Variants in FILIP1L observed in about 807,000 individuals in gnomAD.
FILIP1L encodes the protein filamin A-interacting protein 1-like.
FILIP1L carries 55 observed loss-of-function variants against 96.6 expected under a neutral mutation model. The observed-to-expected ratio is 0.57, with a 90% confidence interval of 0.46 to 0.71. FILIP1L has a LOEUF of 0.71. Ranked by LOEUF, FILIP1L falls within the 30% of genes least tolerant of loss-of-function variation. The probability of loss-of-function intolerance (pLI) is 0.00; values close to 1 mark genes in which losing one functional copy is unlikely to be tolerated. For missense variants in FILIP1L, 1,304 were observed against 1,321.2 expected (o/e 0.99, Z 0.20); for synonymous variants, 467 against 473.9 (o/e 0.99, Z 0.19).
Position 99,851,031 on chromosome 3 carries a change from C to T in FILIP1L, c.645G>A (p.Glu215=), listed in dbSNP as rs1243020392. The change falls in exon 5 of 6, where the codon GAG becomes GAA. Residue 215 remains glutamate (E), a synonymous_variant. Transcript: ENST00000477258. ...KLIDQEIKSQ[E]EKEQEKEKRV... The stretch of plus-strand genomic sequence containing the variant: ...TTTTCTCCTTTTCTTGCTCCTTCTC[C>T]TCCTGAGACTTGATTTCTTGATCAA... 6 of 1,601,198 alleles carry T rather than the reference C, an allele frequency of 3.7e-6. No homozygotes were observed. Among genetic ancestry groups the T allele is most frequent in the South Asian group, 1.1e-5 (1 of 88,240 alleles).
intron 4 of FILIP1L, among the ~76,000 whole-genome samples, chr3:99,852,568 C>G (rs1324427896): frequency 6.6e-6 from 1 of 152,066 alleles, no homozygotes. Context: ...GTCTCAGCCT[C>G]CCGAGTAGCT....
intron 1 of FILIP1L, among the ~76,000 whole-genome samples, chr3:100,107,501 G>T (rs1234789381): frequency 6.6e-6 from 1 of 152,116 alleles, no homozygotes; most frequent in East Asian, 1.9e-4. Flanking sequence ...CATTTGGCAG[G>T]TATTTAATGC....
chr3:100,086,470 G>A (rs6783067), intron 1 of FILIP1L, among the ~76,000 whole-genome samples: 64 of 152,202 alleles, frequency 4.2e-4, no homozygotes, highest in African/African-American at 1.4e-3. Context: ...ACTTATAACA[G>A]TACCTAACTC....
Position 100,092,595 on chromosome 3 carries a change from T to A in FILIP1L, c.-11+21458A>T, listed in dbSNP as rs148115725. Reference sequence around the variant, plus strand: ...ACACATACCCCAGTTGGAAGGCCACTAGTTATGAGGGTTAAATGAGTCAAT... The same window carrying A: ...ACACATACCCCAGTTGGAAGGCCACAAGTTATGAGGGTTAAATGAGTCAAT... On this transcript the variant is annotated intron_variant, in intron 1 of 5. Coordinates refer to ENST00000477258, the MANE Select transcript of FILIP1L (RefSeq NM_001387850.1). Among the ~76,000 whole-genome samples, 682 of 150,166 alleles carry A rather than the reference T, an allele frequency of 4.5e-3. 7 individuals are homozygous for A. Among genetic ancestry groups the A allele is most frequent in the African/African-American group, 0.016 (665 of 40,718 alleles).
chr3:99,865,236 T>C (rs1409303474), intron 4 of FILIP1L, among the ~76,000 whole-genome samples: 1 of 152,154 alleles, frequency 6.6e-6, no homozygotes, highest in Non-Finnish European at 1.5e-5. Context: ...GAACTGAGGC[T>C]CAAAAAAGTT....
rs142429734 is a variant in FILIP1L, at chr3:99,939,779, A to T, written c.-10-8749T>A. ...TTCTTGATACATCAGGAGACAGGGT[A>T]TTATTTCCCCAGTTTGCAGATTCCT... is the stretch of plus-strand genomic sequence containing the variant. On this transcript the variant is annotated intron_variant, in intron 1 of 5. Coordinates refer to ENST00000477258, the MANE Select transcript of FILIP1L (RefSeq NM_001387850.1). Among the ~76,000 whole-genome samples the T allele has an allele frequency of 7.2e-5, 11 of 152,328 alleles. No individual in the cohort carries two copies. In the East Asian group the frequency reaches 2.1e-3, roughly 29 times the overall value.
intron 1 of FILIP1L, among the ~76,000 whole-genome samples, chr3:100,057,286 A>T (rs983591475): frequency 7.2e-5 from 11 of 152,214 alleles, no homozygotes; most frequent in Non-Finnish European, 8.8e-5. Context: ...AAACCAGGAA[A>T]GCAGTGAGAT....
chr3:100,112,457 C>T (rs2107479997), intron 1 of FILIP1L, among the ~76,000 whole-genome samples: 1 of 152,266 alleles, frequency 6.6e-6, no homozygotes, highest in Admixed American at 6.5e-5. Flanking sequence ...TCTTCATTTC[C>T]AGTGCCAGCG....
At chr3:99,900,857 A>G (rs563168554) in intron 4 of FILIP1L, among the ~76,000 whole-genome samples, 3 of 152,334 alleles carry the variant, frequency 2.0e-5, no homozygotes, top group African/African-American at 7.2e-5. Context: ...TGATTCTTAC[A>G]TGTAGCAAAG....
At chr3:99,844,278 T>C (rs1384822033) in intron 5 of FILIP1L, among the ~76,000 whole-genome samples, 2 of 152,230 alleles carry the variant, frequency 1.3e-5, no homozygotes, top group Non-Finnish European at 2.9e-5. Flanking sequence ...TCTCATTGGA[T>C]AGCTCTGAGT....
At chr3:99,919,604 A>C (rs763745816) in intron 4 of FILIP1L, among the ~76,000 whole-genome samples, 4 of 151,882 alleles carry the variant, frequency 2.6e-5, no homozygotes, top group Non-Finnish European at 5.9e-5. Flanking sequence ...CTAGAAAGAA[A>C]ATTTGATGTT....
At chr3:99,962,921 C>T (rs1708537046) in intron 1 of FILIP1L, among the ~76,000 whole-genome samples, 1 of 152,146 alleles carries the variant, frequency 6.6e-6, no homozygotes, top group Non-Finnish European at 1.5e-5. Flanking sequence ...ATGTTCATGG[C>T]CGAGATAAAT....
chr3:99,937,184 C>T (rs141582317), intron 1 of FILIP1L, among the ~76,000 whole-genome samples: 47 of 151,892 alleles, frequency 3.1e-4, no homozygotes, highest in African/African-American at 1.1e-3. Context: ...GTGATCCACC[C>T]GCCTCAGCCT....
At chr3:99,921,421 A>C (rs1384460541) in intron 4 of FILIP1L, among the ~76,000 whole-genome samples, 1 of 152,188 alleles carries the variant, frequency 6.6e-6, no homozygotes, top group East Asian at 1.9e-4. Context: ...AGCAGAAGGC[A>C]GGAAAGCATG....
intron 1 of FILIP1L, among the ~76,000 whole-genome samples, chr3:100,058,343 A>G (rs1353921003): frequency 6.6e-6 from 1 of 152,242 alleles, no homozygotes; most frequent in African/African-American, 2.4e-5. Flanking sequence ...GTACAATCAG[A>G]TGCTTATAAA....
intron 1 of FILIP1L, among the ~76,000 whole-genome samples, chr3:99,989,373 C>G (rs1036638559): frequency 6.6e-6 from 1 of 152,070 alleles, no homozygotes; most frequent in Non-Finnish European, 1.5e-5. Flanking sequence ...AGGAAAATCC[C>G]CCAGACAAGA....
rs1943553310 is a variant in FILIP1L, at chr3:99,849,546, A to T, written c.2130T>A (p.Ala710=). The T allele has an allele frequency of 6.2e-7, 1 of 1,613,424 alleles. No homozygotes were observed. Among genetic ancestry groups the T allele is most frequent in the African/African-American group, 1.3e-5 (1 of 74,944 alleles). ...CTTCTCTTGAGAGGTGCCCTGACTT[A>T]GCTTCTTCTTCTTGAAGCCTTTTGA... ...WLFKRLQEEE[A]KSGHLSREVD... Residue 710 remains alanine (A), a synonymous_variant, in exon 5 of 6, where the codon GCT becomes GCA. Transcript: ENST00000477258.
chr3:100,036,097 A>G (rs1376482549), intron 1 of FILIP1L, among the ~76,000 whole-genome samples: 4 of 152,216 alleles, frequency 2.6e-5, no homozygotes. Flanking sequence ...TAAACTTAAT[A>G]TAAAAGGAAT....
Position 99,851,061 on chromosome 3 carries a change from C to G in FILIP1L, c.615G>C (p.Lys205Asn). ...LLEQECERLK[K>N]LIDQEIKSQE... is the part of the protein sequence containing the mutation. ...GAGACTTGATTTCTTGATCAATTAG[C>G]TTCTTTAATCTGAAAAATGTAAAGT... is the stretch of plus-strand genomic sequence containing the variant. The change falls in exon 5 of 6, where the codon AAG becomes AAC. Residue 205 changes from lysine (K) to asparagine (N), a missense_variant. By Grantham distance (94) the Lys-to-Asn change is moderately conservative. Transcript: ENST00000477258. 1 of 1,576,994 alleles carries G rather than the reference C, an allele frequency of 6.3e-7. No individual in the cohort carries two copies. Among genetic ancestry groups the G allele is most frequent in the East Asian group, 2.2e-5 (1 of 44,498 alleles).
Sources: allele counts gnomAD v4.1 joint callset (sites outside exome capture counted in the v4.1 genomes callset), GRCh38; gene constraint gnomAD v4.1.1; transcripts MANE v1.5; gene names NCBI Gene and HGNC (gene_info 2026-07-23, HGNC 2026-07-21).